ZNF202: variants seen among roughly 807,000 people sequenced by gnomAD.
ZNF202 encodes the protein zinc finger protein with KRAB and SCAN domains 10.
ZNF202 carries 22 observed loss-of-function variants against 54.5 expected under a neutral mutation model. The observed-to-expected ratio is 0.40, with a 90% confidence interval of 0.29 to 0.58. The LOEUF is 0.58. Ranked by LOEUF, ZNF202 falls within the 20% of genes least tolerant of loss-of-function variation. ZNF202 has a pLI of 0.39. For synonymous variants in ZNF202, 294 were observed against 301.4 expected (o/e 0.98, Z 0.26); for missense variants, 644 against 805.5 (o/e 0.80, Z 2.43).
intron 3 of ZNF202, chr11:123,739,541 C>G (rs1861772582): frequency 6.6e-6 from 1 of 152,102 alleles, no homozygotes; most frequent in Admixed American, 6.5e-5. Flanking sequence ...AAACGTGAAG[C>G]CCCTATCAAG....
chr11:123,731,003 G>T lies in ZNF202; in HGVS notation c.-97-18C>A. On this transcript the variant is annotated intron_variant, in intron 3 of 8. Coordinates refer to ENST00000530393, the MANE Select transcript of ZNF202 (RefSeq NM_003455.4). ...CAAGGGCCCTGGATAGAGAAGTAAA[G>T]ACAAACAAGAGTATAAGCATGAAAC... is the stretch of plus-strand genomic sequence containing the variant. The T allele has an allele frequency of 8.0e-7, 1 of 1,254,548 alleles. No homozygotes were observed. The highest frequency in any genetic ancestry group is 1.5e-5 in the South Asian group (1 of 65,882). The allele number at this position is 1,254,548 out of a possible 1,614,324, so 77.7% of individuals were successfully genotyped here.
chr11:123,731,228 C>T (rs755761567), intron 3 of ZNF202, among the ~76,000 whole-genome samples: 9 of 152,152 alleles, frequency 5.9e-5, no homozygotes, highest in Admixed American at 3.3e-4. Flanking sequence ...ACTGCATTTC[C>T]ACTTCACAAA....
intron 3 of ZNF202, chr11:123,739,609 T>C (rs375793616): frequency 4.6e-5 from 7 of 152,230 alleles, no homozygotes; most frequent in East Asian, 1.9e-4. Context: ...ATTTGGCATA[T>C]AGCATTCAGT....
chr11:123,729,946 G>C, intron 4 of ZNF202, 121 bp from the exon 5 acceptor site: 1 of 1,039,110 alleles, frequency 9.6e-7, no homozygotes, highest in Middle Eastern at 2.8e-4. Context: ...CAGACAAGGA[G>C]GGGAAACTCC....
At chr11:123,729,931 G>T in intron 4 of ZNF202, 106 bp from the exon 5 acceptor site, 1 of 1,189,798 alleles carries the variant, frequency 8.4e-7, no homozygotes, top group Non-Finnish European at 1.2e-6. Flanking sequence ...ACTCCCAGAG[G>T]GACCCAGACA....
Position 123,726,194 on chromosome 11 carries a change from A to G in ZNF202, c.1750T>C (p.Leu584=). 1 of 1,614,184 alleles carries G rather than the reference A, an allele frequency of 6.2e-7. No homozygotes were observed. The highest frequency in any genetic ancestry group is 8.5e-7 in the Non-Finnish European group (1 of 1,180,030). ...FTHSAAFAKH[L]RGHASVRPCR... ...GGCCTCACTGAGGCGTGTCCTCTCA[A>G]GTGCTTGGCGAACGCTGCGCTGTGG... The change falls in exon 9 of 9, where the codon TTG becomes CTG. Residue 584 remains leucine (L), a synonymous_variant. Coordinates refer to ENST00000530393, the MANE Select transcript of ZNF202 (RefSeq NM_003455.4). The surrounding 1 kb of genome is among the most constrained non-coding windows in gnomAD (Gnocchi z 6.0).
chr11:123,739,579 TTATCA>T (rs1861775411), intron 3 of ZNF202: 1 of 152,116 alleles, frequency 6.6e-6, no homozygotes, highest in Non-Finnish European at 1.5e-5. Flanking sequence ...GGGGAAGAAC[TTATCA>T]ATATTTCACC....
intron 3 of ZNF202, 89 bp from the exon 4 acceptor site, chr11:123,731,074 A>G (rs1451673103): frequency 1.7e-6 from 1 of 580,774 alleles, no homozygotes; most frequent in Non-Finnish European, 2.8e-6. Context: ...TCCTCTACAC[A>G]AACTTCTTCA....
At chr11:123,733,743 T>A (rs1861512896) in intron 3 of ZNF202, among the ~76,000 whole-genome samples, 1 of 152,210 alleles carries the variant, frequency 6.6e-6, no homozygotes, top group Admixed American at 6.5e-5. Flanking sequence ...TATGTTAATT[T>A]CTCAGGGTGT....
chr11:123,729,876 G>T (rs1243707982), intron 4 of ZNF202, 51 bp from the exon 5 acceptor site: 3 of 1,526,056 alleles, frequency 2.0e-6, no homozygotes, highest in Non-Finnish European at 2.6e-6. Context: ...GGAAGTTCTT[G>T]GTTGTCACGG....
intron 3 of ZNF202, among the ~76,000 whole-genome samples, chr11:123,731,547 A>G (rs2137339047): frequency 6.6e-6 from 1 of 152,336 alleles, no homozygotes; most frequent in South Asian, 2.1e-4. Flanking sequence ...GGAGATGTGT[A>G]AGGTTATGAG....
chr11:123,728,258 A>C lies in ZNF202; in HGVS notation c.707T>G (p.Leu236Arg). The change falls in exon 7 of 9, where the codon CTG (leucine) becomes CGG (arginine). Residue 236 changes from leucine to arginine, a missense_variant. Coordinates refer to ENST00000530393, the MANE Select transcript of ZNF202 (RefSeq NM_003455.4). ...VALLTALSQG[L>R]VTFKDVAVCF... ...TACGGCCACATCCTTGAACGTTACCAGTCCCTGAAACCACATAAGGATTTC... is the reference window on the plus strand; with the variant it reads ...TACGGCCACATCCTTGAACGTTACCCGTCCCTGAAACCACATAAGGATTTC... The C allele has an allele frequency of 4.4e-6, 7 of 1,608,504 alleles. 1 individual carries two copies. The highest frequency in any genetic ancestry group is 5.9e-6 in the Non-Finnish European group (7 of 1,176,940).
rs1244545477 is a variant in ZNF202, at chr11:123,727,004, T to C, written c.953-13A>G. 6.3e-7 allele frequency: 1 copy of C among 1,594,078 alleles called. No individual in the cohort carries two copies. The highest frequency in any genetic ancestry group is 1.1e-5 in the South Asian group (1 of 87,548). On this transcript the variant is annotated splice_polypyrimidine_tract_variant and intron_variant, in intron 8 of 8. Coordinates refer to ENST00000530393, the MANE Select transcript of ZNF202 (RefSeq NM_003455.4). ...TTACTCCTATCTCCTGTAGAAAGGG[T>C]GAGAGGAAAAAGGGGGTCACTGTAG... is the stretch of plus-strand genomic sequence containing the variant.
At chr11:123,739,675 A>C (rs952526301) in intron 3 of ZNF202, 15 of 152,248 alleles carry the variant, frequency 9.9e-5, no homozygotes, top group African/African-American at 3.6e-4. Flanking sequence ...CTAAGTGATT[A>C]TCTATAAAAG....
chr11:123,737,312 T>C (rs1291831729), intron 3 of ZNF202, among the ~76,000 whole-genome samples: 1 of 152,226 alleles, frequency 6.6e-6, no homozygotes, highest in African/African-American at 2.4e-5. Context: ...CCCTGGCTTT[T>C]GGCCTTCTAA....
chr11:123,732,996 C>G (rs1861475829), intron 3 of ZNF202, among the ~76,000 whole-genome samples: 1 of 152,158 alleles, frequency 6.6e-6, no homozygotes, highest in African/African-American at 2.4e-5. Flanking sequence ...ATCCTCTGCT[C>G]CTAAACGGCA....
At chr11:123,728,301 C>T (rs145045995) in intron 6 of ZNF202, 39 bp from the exon 7 acceptor site, 193 of 1,572,948 alleles carry the variant, frequency 1.2e-4, no homozygotes, top group Non-Finnish European at 1.5e-4. Flanking sequence ...CGTGATGCTA[C>T]GGGTAGCCTC....
Position 123,730,403 on chromosome 11 carries a change from A to T in ZNF202, c.402+84T>A. The T allele has an allele frequency of 1.4e-6, 2 of 1,463,288 alleles. No individual in the cohort carries two copies. Among genetic ancestry groups the T allele is most frequent in the Non-Finnish European group, 1.8e-6 (2 of 1,106,350 alleles). 90.6% of individuals were successfully genotyped at this position (1,463,288 alleles called of 1,614,324 possible). On this transcript the variant is annotated intron_variant, in intron 4 of 8. Coordinates refer to ENST00000530393, the MANE Select transcript of ZNF202 (RefSeq NM_003455.4). This position sits in a 1 kb window ranked among gnomAD's most constrained non-coding sequence, Gnocchi z 6.0. ...CAGAGCCCACTAATAATTTATGGGG[A>T]TCCTGCAAGCTCTCCCCGCAAATCC...
At chr11:123,734,872 A>G (rs1861566320) in intron 3 of ZNF202, among the ~76,000 whole-genome samples, 1 of 152,196 alleles carries the variant, frequency 6.6e-6, no homozygotes. Context: ...ATACATAGGG[A>G]AAAAAACATT....
Sources: allele counts gnomAD v4.1 joint callset (sites outside exome capture counted in the v4.1 genomes callset), GRCh38; gene constraint gnomAD v4.1.1; non-coding constraint Gnocchi (gnomAD v3.1); transcripts MANE v1.5; gene names NCBI Gene and HGNC (gene_info 2026-07-23, HGNC 2026-07-21).